SGCG: variants seen among roughly 807,000 people sequenced by gnomAD.
SGCG encodes gamma-sarcoglycan.
A neutral mutation model predicts 29.3 loss-of-function variants in SGCG; 26 were observed. The ratio of observed to expected loss-of-function variants is 0.89; its 90% CI spans 0.65 to 1.23. SGCG has a LOEUF of 1.23. SGCG is among the 50% of genes most tolerant of loss of function. The pLI is 0.00. For missense variants in SGCG, 353 were observed against 356.0 expected (o/e 0.99, Z 0.07); for synonymous variants, 145 against 129.7 (o/e 1.12, Z -0.80).
intron 2 of SGCG, among the ~76,000 whole-genome samples, chr13:23,219,034 C>T (rs1456728311): frequency 1.3e-5 from 2 of 148,674 alleles, no homozygotes; most frequent in Non-Finnish European, 3.0e-5. Context: ...TATTTATATG[C>T]TATATATTTT....
intron 2 of SGCG, among the ~76,000 whole-genome samples, chr13:23,219,960 C>G (rs1377339903): frequency 6.6e-6 from 1 of 151,362 alleles, no homozygotes; most frequent in Admixed American, 6.6e-5. Context: ...CTCAGCCTCC[C>G]AAGTAGTGGG....
At chr13:23,290,617 G>A (rs1881668329) in intron 5 of SGCG, among the ~76,000 whole-genome samples, 1 of 152,204 alleles carries the variant, frequency 6.6e-6, no homozygotes, top group African/African-American at 2.4e-5. Flanking sequence ...GGAGGCAGTA[G>A]AGGCATTATG....
chr13:23,163,259 G>A, the SGCG span, among the ~76,000 whole-genome samples: 1 of 152,240 alleles, frequency 6.6e-6, no homozygotes, highest in South Asian at 2.1e-4. Flanking sequence ...CATGCATTTT[G>A]ACATTTCATT....
At chr13:23,175,072 C>G in the SGCG span, among the ~76,000 whole-genome samples, 1 of 152,128 alleles carries the variant, frequency 6.6e-6, no homozygotes, top group Non-Finnish European at 1.5e-5. Context: ...TGTAAGTAGA[C>G]TGTGAAATTG....
chr13:23,193,430 G>A (rs1474865345), intron 1 of SGCG, among the ~76,000 whole-genome samples: 1 of 152,208 alleles, frequency 6.6e-6, no homozygotes, highest in African/African-American at 2.4e-5. Flanking sequence ...CAGTGTTGGA[G>A]TGGAGCAGGG....
intron 3 of SGCG, among the ~76,000 whole-genome samples, chr13:23,239,643 T>C (rs1481755316): frequency 6.6e-6 from 1 of 152,186 alleles, no homozygotes; most frequent in Non-Finnish European, 1.5e-5. Context: ...GTATTTGGGA[T>C]GTTATAACAG....
Position 23,279,385 on chromosome 13 carries a change from C to T in SGCG, c.412C>T (p.Gln138Ter). 1 of 1,612,980 alleles carries T rather than the reference C, an allele frequency of 6.2e-7. No homozygotes were observed. The highest frequency in any genetic ancestry group is 2.2e-5 in the East Asian group (1 of 44,810). ...VGPKMVEVQNQQFQINSNDGK... is the reference protein window; with the variant it reads ...VGPKMVEVQN ...TCCCAAAATGGTAGAAGTCCAGAATCAACAGTTTCAGATCAACTCCAACGA... is the reference window on the plus strand; with the variant it reads ...TCCCAAAATGGTAGAAGTCCAGAATTAACAGTTTCAGATCAACTCCAACGA... Residue 138 changes from glutamine (Q) to a stop codon, truncating the protein, a stop_gained, in exon 5 of 8, where the codon CAA becomes TAA. Transcript: ENST00000218867. LOFTEE classifies it high-confidence loss of function.
chr13:23,292,316 G>A (rs989764730), intron 5 of SGCG, among the ~76,000 whole-genome samples: 1 of 152,098 alleles, frequency 6.6e-6, no homozygotes, highest in Non-Finnish European at 1.5e-5. Context: ...GATCATGTTG[G>A]CCAGGCTGGT....
At chr13:23,319,299 CAAA>C (rs5802229) in intron 6 of SGCG, among the ~76,000 whole-genome samples, 2 of 132,738 alleles carry the variant, frequency 1.5e-5, no homozygotes, top group African/African-American at 2.9e-5. Context: ...GACTCCGTCT[CAAA>C]AAAAAAAAAA....
intron 5 of SGCG, among the ~76,000 whole-genome samples, chr13:23,290,241 G>A (rs1881647732): frequency 6.6e-6 from 1 of 152,198 alleles, no homozygotes; most frequent in African/African-American, 2.4e-5. Context: ...ACTGCCAAGT[G>A]CATGTCATGT....
intron 4 of SGCG, among the ~76,000 whole-genome samples, chr13:23,274,070 T>C (rs978861461): frequency 5.9e-5 from 9 of 152,224 alleles, no homozygotes; most frequent in African/African-American, 2.2e-4. Context: ...GTAAATATTA[T>C]GTCTGTGTTG....
At chr13:23,300,642 C>T (rs9510685) in intron 6 of SGCG, among the ~76,000 whole-genome samples, 109,502 of 151,866 alleles carry the variant, frequency 0.72, 41,410 homozygotes, top group East Asian at 0.89. Context: ...TACTACTTCA[C>T]GGTATAGGAA....
At chr13:23,168,613 C>T in the SGCG span, among the ~76,000 whole-genome samples, 1 of 152,158 alleles carries the variant, frequency 6.6e-6, no homozygotes, top group Non-Finnish European at 1.5e-5. Context: ...CCTCTGTATA[C>T]AATAATGGAC....
In SGCG at chr13:23,308,544, T is replaced by A. The variant is rs1217148143; in HGVS notation, c.579-12093T>A. 2.0e-5 allele frequency among the ~76,000 whole-genome samples: 3 copies of A among 152,150 alleles called. No homozygotes were observed. In the East Asian group the frequency reaches 5.8e-4, roughly 29 times the overall value. ...ATGTCTTCTTCAGAGTTGTATTGGC[T>A]GTTTTTAGACATTTATTTTTCATGT... On this transcript the variant is annotated intron_variant, in intron 6 of 7. Coordinates refer to ENST00000218867, the MANE Select transcript of SGCG (RefSeq NM_000231.3).
intron 5 of SGCG, among the ~76,000 whole-genome samples, chr13:23,292,011 C>T (rs1473418403): frequency 1.3e-5 from 2 of 152,196 alleles, no homozygotes; most frequent in Non-Finnish European, 2.9e-5. Flanking sequence ...TGCTGTGACA[C>T]CAAGAGTTCT....
In SGCG at chr13:23,324,543, C is replaced by T. The variant is rs749232488; in HGVS notation, c.*2C>T. 102 of 1,609,370 alleles carry T rather than the reference C, an allele frequency of 6.3e-5. No homozygotes were observed. Among genetic ancestry groups the T allele is most frequent in the Admixed American group, 4.0e-4 (24 of 60,006 alleles). On this transcript the variant is annotated 3_prime_UTR_variant, in exon 8 of 8. Transcript: ENST00000218867. ...GAGCACAACCACATCTGCCTCTGAG[C>T]TGCCTGCGTCCTCTCGGTGAGCTGT...
intron 6 of SGCG, among the ~76,000 whole-genome samples, chr13:23,314,185 T>TAGAG (rs1882708798): frequency 1.4e-5 from 2 of 146,376 alleles, no homozygotes; most frequent in South Asian, 4.3e-4. Context: ...AGTATATATA[T>TAGAG]ATATAGAGAG....
chr13:23,277,957 C>T (rs575206979), intron 4 of SGCG, among the ~76,000 whole-genome samples: 1 of 151,998 alleles, frequency 6.6e-6, no homozygotes, highest in Non-Finnish European at 1.5e-5. Context: ...CTCGGCCTCC[C>T]AAAGTGCTGG....
chr13:23,292,261 C>A (rs1010043247), intron 5 of SGCG, among the ~76,000 whole-genome samples: 8 of 152,180 alleles, frequency 5.3e-5, no homozygotes, highest in Non-Finnish European at 7.4e-5. Context: ...AGGCGTGCGC[C>A]ACCACACCTG....
Sources: gnomAD v4.1 joint callset for allele counts (sites outside exome capture counted in the v4.1 genomes callset) on GRCh38, gnomAD v4.1.1 for gene constraint, MANE v1.5 for transcripts, NCBI Gene and HGNC (gene_info 2026-07-23, HGNC 2026-07-21) for gene names.